Variants in MOB3B observed in about 807,000 individuals in gnomAD.
MOB3B encodes the protein MOB kinase activator-like 2B.
A neutral mutation model predicts 18.7 loss-of-function variants in MOB3B; 7 were observed. The ratio of observed to expected loss-of-function variants is 0.37; its 90% confidence interval spans 0.21 to 0.70. The LOEUF is 0.70. Among genes scored for constraint, MOB3B ranks in the 30% least tolerant of loss-of-function variants. MOB3B has a pLI of 0.52. For synonymous variants in MOB3B, 111 were observed against 99.9 expected, an observed-to-expected ratio of 1.11 and a Z score of -0.66; for missense variants, 253 against 281.3, an observed-to-expected ratio of 0.90 and a Z score of 0.72.
chr9:27,450,394 C>T (rs1003042365), intron 2 of MOB3B, among the ~76,000 whole-genome samples: 1 of 152,114 alleles, frequency 6.6e-6, no homozygotes, highest in Non-Finnish European at 1.5e-5. Flanking sequence ...TATGGGCCAG[C>T]AGAGGGTTTT....
intron 2 of MOB3B, among the ~76,000 whole-genome samples, chr9:27,366,841 T>C (rs1563851321): frequency 6.6e-6 from 1 of 152,238 alleles, no homozygotes; most frequent in African/African-American, 2.4e-5. Context: ...GGCCCCTTTA[T>C]TGAGCACCTG....
chr9:27,397,334 T>TA (rs1275568057), intron 2 of MOB3B: 1 of 152,028 alleles, frequency 6.6e-6, no homozygotes, highest in Non-Finnish European at 1.5e-5. Context: ...TCAAGATTGC[T>TA]ATATTAACAG....
intron 2 of MOB3B, among the ~76,000 whole-genome samples, chr9:27,366,172 A>T (rs1821340145): frequency 6.6e-6 from 1 of 152,152 alleles, no homozygotes. Context: ...CTCAGTCAGG[A>T]ACCCGCATCT....
chr9:27,352,707 T>C (rs990294863), intron 3 of MOB3B, among the ~76,000 whole-genome samples: 5 of 152,198 alleles, frequency 3.3e-5, no homozygotes, highest in Non-Finnish European at 7.3e-5. Flanking sequence ...TAGAAAAATC[T>C]AGAGACACAT....
intron 2 of MOB3B, among the ~76,000 whole-genome samples, chr9:27,426,172 T>C (rs967489457): frequency 2.0e-4 from 30 of 152,180 alleles, no homozygotes; most frequent in Admixed American, 1.0e-3. Flanking sequence ...AGCCAGGAAG[T>C]GGCAAAACTG....
chr9:27,528,441 G>T (rs936399482), intron 1 of MOB3B, among the ~76,000 whole-genome samples: 1 of 152,240 alleles, frequency 6.6e-6, no homozygotes, highest in Non-Finnish European at 1.5e-5. Context: ...GCGCGCCTGG[G>T]CTGAGATCTG....
chr9:27,350,854 C>T (rs577092620), intron 3 of MOB3B, among the ~76,000 whole-genome samples: 46 of 151,616 alleles, frequency 3.0e-4, no homozygotes, highest in African/African-American at 1.1e-3. Flanking sequence ...TCCAGCTACT[C>T]TTGGCAACAT....
intron 1 of MOB3B, among the ~76,000 whole-genome samples, chr9:27,529,230 G>A (rs367868154): frequency 1.9e-3 from 295 of 152,256 alleles, no homozygotes; most frequent in African/African-American, 6.6e-3. Context: ...CTTGCACCCC[G>A]AAAGAAGGAC....
At chr9:27,417,101 C>A (rs901194175) in intron 2 of MOB3B, among the ~76,000 whole-genome samples, 2 of 152,172 alleles carry the variant, frequency 1.3e-5, no homozygotes, top group African/African-American at 4.8e-5. Flanking sequence ...CAGTGGCTCA[C>A]GCCTGTAATC....
At chr9:27,336,726 C>T (rs962262612) in intron 3 of MOB3B, among the ~76,000 whole-genome samples, 2 of 151,778 alleles carry the variant, frequency 1.3e-5, no homozygotes, top group South Asian at 2.1e-4. Context: ...GAGGAGTTCA[C>T]GTATATAAAG....
At chr9:27,509,354 G>A (rs1412914853) in intron 1 of MOB3B, among the ~76,000 whole-genome samples, 3 of 152,036 alleles carry the variant, frequency 2.0e-5, no homozygotes, top group African/African-American at 7.2e-5. Flanking sequence ...AATACTTCAA[G>A]TTCCCCAAAT....
At chr9:27,468,222 C>T (rs1460139399) in intron 1 of MOB3B, among the ~76,000 whole-genome samples, 3 of 152,146 alleles carry the variant, frequency 2.0e-5, no homozygotes, top group Non-Finnish European at 2.9e-5. Flanking sequence ...CAGTGGCAGA[C>T]ACACAGAGAC....
chr9:27,366,600 G>T (rs940187919), intron 2 of MOB3B, among the ~76,000 whole-genome samples: 1 of 152,188 alleles, frequency 6.6e-6, no homozygotes, highest in African/African-American at 2.4e-5. Flanking sequence ...CAGGAGACTG[G>T]GGGGTGGGGA....
At position 27,346,952 on chromosome 9, in the gene MOB3B, T is replaced by C. The variant is rs111708244; in HGVS notation, c.621+12082A>G. 6.1e-3 allele frequency among the ~76,000 whole-genome samples: 928 copies of C among 152,210 alleles called. 9 individuals carry two copies. The highest frequency in any genetic ancestry group is 0.021 in the African/African-American group (875 of 41,546). On this transcript the variant is annotated intron_variant, in intron 3 of 3. Coordinates refer to ENST00000262244, the MANE Select transcript of MOB3B (RefSeq NM_024761.5). ...TGGAGGTTGCAGTGAGCCAAGATCA[T>C]GCCACTGCACTCCAGCCTGGGTAAC...
chr9:27,422,121 C>A (rs543418183), intron 2 of MOB3B, among the ~76,000 whole-genome samples: 1 of 152,328 alleles, frequency 6.6e-6, no homozygotes, highest in South Asian at 2.1e-4. Flanking sequence ...TGAATGAATG[C>A]TACCTCTTTT....
At chr9:27,359,758 A>G (rs1821246971) in intron 2 of MOB3B, among the ~76,000 whole-genome samples, 1 of 152,060 alleles carries the variant, frequency 6.6e-6, no homozygotes, top group Non-Finnish European at 1.5e-5. Flanking sequence ...GGAAGGTAAG[A>G]GTTGGGAGGA....
intron 1 of MOB3B, among the ~76,000 whole-genome samples, chr9:27,485,153 T>C (rs1819715586): frequency 6.6e-6 from 1 of 152,226 alleles, no homozygotes; most frequent in Non-Finnish European, 1.5e-5. Context: ...CAAATACTTC[T>C]ATATATCACT....
At chr9:27,470,469 TC>T (rs934706343) in intron 1 of MOB3B, among the ~76,000 whole-genome samples, 6 of 152,036 alleles carry the variant, frequency 3.9e-5, no homozygotes, top group African/African-American at 7.2e-5. Flanking sequence ...TCTTTTGCCT[TC>T]CGCCTGCCAT....
chr9:27,510,987 A>C (rs1330673818), intron 1 of MOB3B, among the ~76,000 whole-genome samples: 2 of 152,188 alleles, frequency 1.3e-5, no homozygotes, highest in Non-Finnish European at 2.9e-5. Context: ...CATATTTGCC[A>C]GGTCCCATAA....
Sources: gnomAD v4.1 joint callset for allele counts (sites outside exome capture counted in the v4.1 genomes callset) on GRCh38, gnomAD v4.1.1 for gene constraint, MANE v1.5 for transcripts, NCBI Gene and HGNC (gene_info 2026-07-23, HGNC 2026-07-21) for gene names.